The following TRIM27 variants were observed in gnomAD, a reference collection of about 807,000 sequenced individuals.
The protein encoded by TRIM27 is tripartite motif containing 27.
In TRIM27, 12 loss-of-function variants were observed where a neutral mutation model predicts 57.6. The observed-to-expected ratio is 0.21, with a 90% CI of 0.13 to 0.34. The LOEUF (loss-of-function observed/expected upper bound fraction) is 0.34, where lower values mean the gene tolerates loss of function less well. Among genes scored for constraint, TRIM27 ranks in the 10% least tolerant of loss-of-function variants. The pLI, the probability that TRIM27 is intolerant of heterozygous loss-of-function variation, is 1.00. For synonymous variants in TRIM27, 266 were observed against 259.0 expected, an observed-to-expected ratio of 1.03 and a Z score of -0.26; for missense variants, 403 against 656.8, an observed-to-expected ratio of 0.61 and a Z score of 4.22.
intron 4 of TRIM27, among the ~76,000 whole-genome samples, chr6:28,911,042 A>G (rs767275605): frequency 6.6e-6 from 1 of 152,136 alleles, no homozygotes; most frequent in South Asian, 2.1e-4. Flanking sequence ...GCTTCCTCAA[A>G]GTCAGTTTCC....
chr6:28,913,269 A>T (rs7767670), intron 3 of TRIM27, among the ~76,000 whole-genome samples: 24,094 of 134,674 alleles, frequency 0.18, 2,330 homozygotes, highest in African/African-American at 0.25. Context: ...AAAAAAAAAA[A>T]ATATATATAT....
At chr6:28,909,384 G>T (rs1376930362) in intron 4 of TRIM27, among the ~76,000 whole-genome samples, 3 of 152,226 alleles carry the variant, frequency 2.0e-5, no homozygotes, top group Non-Finnish European at 4.4e-5. Flanking sequence ...TGGGATTACA[G>T]GCGTGAGCCA....
intron 3 of TRIM27, among the ~76,000 whole-genome samples, chr6:28,919,686 T>C (rs1773879722): frequency 6.6e-6 from 1 of 152,210 alleles, no homozygotes. Context: ...AAGCCCCTCA[T>C]TACTGAACAA....
chr6:28,917,389 C>T (rs894751186), intron 3 of TRIM27, among the ~76,000 whole-genome samples: 9 of 151,600 alleles, frequency 5.9e-5, no homozygotes, highest in Non-Finnish European at 1.3e-4. Flanking sequence ...ACCAGCCTGG[C>T]CAACATGGTG....
rs79571250 is a variant in TRIM27, at chr6:28,904,847, G to T, written c.947-182C>A. The stretch of plus-strand genomic sequence containing the variant: ...TACTGCTTGGATTAGCTGGTTACCA[G>T]AATACTCTGAAAATACAGAATTTTA... On this transcript the variant is annotated intron_variant, in intron 7 of 7. Transcript: ENST00000377199. The surrounding 1 kb of genome is among the most constrained non-coding windows in gnomAD (Gnocchi z 6.1). 3.5e-6 allele frequency: 2 copies of T among 578,530 alleles called. No homozygotes were observed. Among genetic ancestry groups the T allele is most frequent in the South Asian group, 2.4e-5 (1 of 41,440 alleles). 35.8% of individuals were successfully genotyped at this position (578,530 alleles called of 1,614,324 possible).
In TRIM27 at chr6:28,909,018, C is replaced by A; in HGVS notation, c.841G>T (p.Ala281Ser). The change falls in exon 5 of 8, where the codon GCC (alanine) becomes TCC (serine). Residue 281 changes from alanine (A) to serine (S), a missense_variant. By Grantham distance (99) the Ala-to-Ser change is moderately conservative. Coordinates refer to ENST00000377199, the MANE Select transcript of TRIM27 (RefSeq NM_006510.5). ...PDLQEKIHIF[A>S]QKCLFLTESL... ...TCCGTCAAGAATAGACATTTTTGGG[C>A]AAAAATGTGGATTTTCTCTTGCAAA... 6.2e-7 allele frequency: 1 copy of A among 1,613,844 alleles called. No homozygotes were observed. The highest frequency in any genetic ancestry group is 8.5e-7 in the Non-Finnish European group (1 of 1,179,958).
intron 6 of TRIM27, chr6:28,908,505 G>A (rs1274037209): frequency 1.3e-5 from 5 of 397,672 alleles, no homozygotes; most frequent in South Asian, 9.2e-5. Context: ...ATCCAAGGTA[G>A]TTTTTGTTCA....
chr6:28,905,502 T>G (rs968052040), intron 7 of TRIM27: 4 of 152,206 alleles, frequency 2.6e-5, no homozygotes, highest in Non-Finnish European at 5.9e-5. Context: ...GGTAAGGGAC[T>G]GGGAACCTGT....
chr6:28,910,789 GGTAACA>G (rs1367693842), intron 4 of TRIM27, among the ~76,000 whole-genome samples: 5 of 152,122 alleles, frequency 3.3e-5, no homozygotes, highest in Admixed American at 1.3e-4. Flanking sequence ...TAAAGTATCA[GGTAACA>G]GTATTATTTG....
intron 1 of TRIM27, among the ~76,000 whole-genome samples, chr6:28,922,413 C>A (rs2150494868): frequency 6.6e-6 from 1 of 152,292 alleles, no homozygotes; most frequent in Admixed American, 6.5e-5. Flanking sequence ...ATCTTCCCAA[C>A]CTACTCAAGA....
intron 7 of TRIM27, chr6:28,905,866 TCTC>T (rs1772732646): frequency 2.6e-5 from 4 of 152,362 alleles, no homozygotes; most frequent in Admixed American, 2.6e-4. Context: ...ACCCATGTCA[TCTC>T]CTCTGGCATT....
At chr6:28,908,714 G>T in intron 6 of TRIM27, 94 bp downstream of exon 6, 1 of 1,204,832 alleles carries the variant, frequency 8.3e-7, no homozygotes, top group Non-Finnish European at 1.2e-6. Flanking sequence ...TGGCCAATGG[G>T]TATCACCCTT....
chr6:28,917,792 G>A (rs886423390), intron 3 of TRIM27, among the ~76,000 whole-genome samples: 6 of 151,074 alleles, frequency 4.0e-5, no homozygotes, highest in African/African-American at 1.5e-4. Flanking sequence ...CTCAGGAACC[G>A]CACATTGCTG....
chr6:28,911,208 C>CT (rs9280506), intron 4 of TRIM27: 69,295 of 146,618 alleles, frequency 0.47, 17,309 homozygotes, highest in African/African-American at 0.65. Context: ...TTCTTCCTCA[C>CT]TTTTTTTTTT....
rs546798772 is a variant in TRIM27 at position 28,911,732 on chromosome 6, G to GAA, written c.748-16_748-15dup. ...GTCCCCAATGTCCTGCAAGAGAAAG[G>GAA]AAAAAAAATAACCATGAGAAGTCAT... On this transcript the variant is annotated splice_polypyrimidine_tract_variant and intron_variant, in intron 3 of 7. Coordinates refer to ENST00000377199, the MANE Select transcript of TRIM27 (RefSeq NM_006510.5). The GAA allele has an allele frequency of 5.8e-3, 9,250 of 1,605,408 alleles. 31 individuals are homozygous for GAA. Among genetic ancestry groups the GAA allele is most frequent in the Non-Finnish European group, 7.2e-3 (8,531 of 1,176,816 alleles).
intron 1 of TRIM27, among the ~76,000 whole-genome samples, chr6:28,923,000 G>C (rs1388528221): frequency 6.6e-6 from 1 of 152,192 alleles, no homozygotes; most frequent in East Asian, 1.9e-4. Flanking sequence ...AGAGAAAAGA[G>C]AGTGGGGGTG....
intron 3 of TRIM27, chr6:28,915,423 A>G (rs1283623370): frequency 1.3e-5 from 2 of 152,198 alleles, no homozygotes; most frequent in African/African-American, 4.8e-5. Context: ...AGCCTGGCCA[A>G]CATGGTGAAA....
At position 28,904,127 on chromosome 6, in the gene TRIM27, T is replaced by A. The variant is rs141782592; in HGVS notation, c.1485A>T (p.Ile495=). 6.2e-7 allele frequency: 1 copy of A among 1,613,074 alleles called. No homozygotes were observed. The highest frequency in any genetic ancestry group is 8.5e-7 in the Non-Finnish European group (1 of 1,180,026). The change falls in exon 8 of 8, where the codon ATA becomes ATT. Residue 495 remains isoleucine (I), a synonymous_variant. Coordinates refer to ENST00000377199, the MANE Select transcript of TRIM27 (RefSeq NM_006510.5). The surrounding 1 kb of genome is among the most constrained non-coding windows in gnomAD (Gnocchi z 6.1). ...APLIICPMSG[I]DGFSGHVGNH... ...TCCCAACATGGCCAGAAAACCCATC[T>A]ATCCCACTCATGGGGCAGATGATCA...
chr6:28,922,874 AG>A, intron 1 of TRIM27, among the ~76,000 whole-genome samples: 1 of 152,188 alleles, frequency 6.6e-6, no homozygotes, highest in East Asian at 1.9e-4. Flanking sequence ...AGCCGATGGG[AG>A]TAAGAGTGTC....
Sources: allele counts gnomAD v4.1 joint callset (sites outside exome capture counted in the v4.1 genomes callset), GRCh38; gene constraint gnomAD v4.1.1; non-coding constraint Gnocchi (gnomAD v3.1); transcripts MANE v1.5; gene names NCBI Gene and HGNC (gene_info 2026-07-23, HGNC 2026-07-21).